The following CHN1 variants were observed in gnomAD, a reference collection of about 807,000 sequenced individuals.
CHN1 encodes chimerin 1.
Under a neutral mutation model 59.5 loss-of-function variants are expected in CHN1, and 37 were observed. The ratio of observed to expected loss-of-function variants is 0.62; its 90% CI spans 0.48 to 0.82. The LOEUF (loss-of-function observed/expected upper bound fraction) is 0.82, where lower values mean the gene tolerates loss of function less well. Ranked by LOEUF, CHN1 falls within the 40% of genes least tolerant of loss-of-function variation. The pLI is 0.00. For synonymous variants in CHN1, 206 were observed against 200.4 expected, an observed-to-expected ratio of 1.03 and a Z score of -0.24; for missense variants, 469 against 571.0, an observed-to-expected ratio of 0.82 and a Z score of 1.82.
intron 8 of CHN1, among the ~76,000 whole-genome samples, chr2:174,819,862 T>A (rs947865394): frequency 7.6e-6 from 1 of 131,928 alleles, no homozygotes; most frequent in African/African-American, 2.9e-5. Context: ...CCCCTTCCTG[T>A]GTCCATGTGT....
Position 174,850,488 on chromosome 2 carries a change from C to A in CHN1, c.550-3531G>T, listed in dbSNP as rs906387067. 8.5e-5 allele frequency among the ~76,000 whole-genome samples: 13 copies of A among 152,168 alleles called. No individual in the cohort carries two copies. The South Asian group carries it at 2.7e-3, about 32-fold the overall frequency. On this transcript the variant is annotated intron_variant, in intron 6 of 12. Coordinates refer to ENST00000409900, the MANE Select transcript of CHN1 (RefSeq NM_001822.7). The stretch of plus-strand genomic sequence containing the variant: ...CATCTACATAATATGAATAATAATA[C>A]CTGTCTCACAGGTTACTGGGAAGTT...
Position 174,800,119 on chromosome 2 carries a change from A to C in CHN1, c.1377T>G (p.Phe459Leu). ...ELLIKNEDIL[F>L] ...CTTTTCCCCTCAAATTAAAAATTTA[A>C]AATAAAATGTCTTCGTTTTTGATAA... The change falls in exon 13 of 13, where the codon TTT (phenylalanine) becomes TTG (leucine). Residue 459 changes from phenylalanine (F) to leucine (L), a missense_variant. Phe to Leu is a conservative substitution (Grantham distance 22, BLOSUM62 0). This residue lies in a region of CHN1 where 225 missense variants were observed against 289.9 expected (regional missense o/e 0.78). Coordinates refer to ENST00000409900, the MANE Select transcript of CHN1 (RefSeq NM_001822.7). 6.4e-7 allele frequency: 1 copy of C among 1,566,180 alleles called. No homozygotes were observed. Among genetic ancestry groups the C allele is most frequent in the South Asian group, 1.2e-5 (1 of 83,578 alleles).
At chr2:174,997,928 A>G (rs1170621488) in intron 1 of CHN1, among the ~76,000 whole-genome samples, 3 of 149,322 alleles carry the variant, frequency 2.0e-5, no homozygotes, top group Non-Finnish European at 4.4e-5. Flanking sequence ...CAGAGGTTGC[A>G]GTGAGCTGAG....
chr2:174,992,181 G>A (rs1019165955), intron 1 of CHN1, among the ~76,000 whole-genome samples: 2 of 152,206 alleles, frequency 1.3e-5, no homozygotes, highest in African/African-American at 2.4e-5. Context: ...AGCTGGTTGG[G>A]TATCAGAGGC....
chr2:174,859,478 T>C (rs533043293), intron 6 of CHN1, among the ~76,000 whole-genome samples: 4 of 152,122 alleles, frequency 2.6e-5, no homozygotes, highest in Non-Finnish European at 5.9e-5. Context: ...CGGTACTAAT[T>C]CTACTTCACA....
At chr2:174,872,485 T>G (rs1468054685) in intron 6 of CHN1, among the ~76,000 whole-genome samples, 1 of 152,190 alleles carries the variant, frequency 6.6e-6, no homozygotes, top group Non-Finnish European at 1.5e-5. Context: ...TGACTTGTCT[T>G]ACATTCAGGC....
intron 5 of CHN1, among the ~76,000 whole-genome samples, chr2:174,886,082 GAAGTCTACAA>G (rs1329883609): frequency 6.6e-6 from 1 of 152,170 alleles, no homozygotes; most frequent in African/African-American, 2.4e-5. Context: ...CACCATGACA[GAAGTCTACAA>G]AAGCACAGAG....
intron 3 of CHN1, among the ~76,000 whole-genome samples, chr2:174,922,104 C>T (rs1307653802): frequency 6.6e-6 from 1 of 152,178 alleles, no homozygotes; most frequent in Admixed American, 6.5e-5. Context: ...CTGGCTCCTA[C>T]AGCTACAGAT....
intron 1 of CHN1, among the ~76,000 whole-genome samples, chr2:174,994,692 T>C (rs1691649967): frequency 6.6e-6 from 1 of 152,066 alleles, no homozygotes; most frequent in African/African-American, 2.4e-5. Flanking sequence ...TTGCAAGATG[T>C]GTAGAGGTGA....
chr2:174,987,736 T>C (rs1691396529), intron 1 of CHN1, among the ~76,000 whole-genome samples: 1 of 152,104 alleles, frequency 6.6e-6, no homozygotes, highest in Non-Finnish European at 1.5e-5. Context: ...GCTTGGCAGG[T>C]TATAATATTC....
At chr2:174,849,924 A>G (rs1472724271) in intron 6 of CHN1, among the ~76,000 whole-genome samples, 5 of 152,214 alleles carry the variant, frequency 3.3e-5, no homozygotes, top group African/African-American at 1.2e-4. Flanking sequence ...CTCTGATTCT[A>G]TTCAAGGTGG....
chr2:174,907,011 TC>T (rs1347045561), intron 5 of CHN1, among the ~76,000 whole-genome samples: 1 of 152,204 alleles, frequency 6.6e-6, no homozygotes, highest in East Asian at 1.9e-4. Context: ...CAGCATTTAA[TC>T]TTAATTTGTT....
chr2:174,887,437 C>T (rs1425068046), intron 5 of CHN1, among the ~76,000 whole-genome samples: 2 of 152,006 alleles, frequency 1.3e-5, no homozygotes, highest in East Asian at 3.8e-4. Context: ...AGTGTTATAT[C>T]CTAGGCACTA....
chr2:174,838,994 G>A (rs990057424), intron 7 of CHN1, among the ~76,000 whole-genome samples: 1 of 151,464 alleles, frequency 6.6e-6, no homozygotes, highest in Non-Finnish European at 1.5e-5. Context: ...TCCAGCCTCG[G>A]CGACAGAGTG....
At chr2:174,969,762 T>G (rs376999808) in intron 1 of CHN1, among the ~76,000 whole-genome samples, 22 of 152,144 alleles carry the variant, frequency 1.4e-4, no homozygotes, top group Non-Finnish European at 2.9e-4. Flanking sequence ...TATATTGTTG[T>G]TTGTCTCTCT....
At chr2:174,979,866 C>A (rs955581042) in intron 1 of CHN1, among the ~76,000 whole-genome samples, 1 of 151,936 alleles carries the variant, frequency 6.6e-6, no homozygotes, top group African/African-American at 2.4e-5. Context: ...GGCGAAAGAA[C>A]AAAACTCCAT....
intron 3 of CHN1, among the ~76,000 whole-genome samples, chr2:174,927,118 T>C (rs941118336): frequency 6.6e-6 from 1 of 152,118 alleles, no homozygotes; most frequent in South Asian, 2.1e-4. Flanking sequence ...ACCCTTTAAA[T>C]AATGATGCCC....
At chr2:174,997,309 A>T (rs1449735824) in intron 1 of CHN1, among the ~76,000 whole-genome samples, 8 of 152,154 alleles carry the variant, frequency 5.3e-5, no homozygotes, top group Non-Finnish European at 1.0e-4. Flanking sequence ...TTTGCTTATG[A>T]CATCACCTCT....
intron 11 of CHN1, among the ~76,000 whole-genome samples, chr2:174,805,754 G>A (rs1376404908): frequency 1.8e-4 from 28 of 152,188 alleles, no homozygotes; most frequent in African/African-American, 2.4e-4. Flanking sequence ...ATTTTACACA[G>A]AGAAACTTGA....
Sources: gnomAD v4.1 joint callset for allele counts (sites outside exome capture counted in the v4.1 genomes callset) on GRCh38, gnomAD v4.1.1 for gene constraint, gnomAD v4.1.1 regional missense constraint, MANE v1.5 for transcripts, NCBI Gene and HGNC (gene_info 2026-07-23, HGNC 2026-07-21) for gene names.